Variants in MALAT1 observed in about 807,000 individuals in gnomAD.
MALAT1 encodes hepcarcin.
exon 3 of MALAT1, chr11:65,500,844 G>A (rs1288582456): frequency 1.9e-6 from 1 of 518,670 alleles, no homozygotes; most frequent in African/African-American, 1.9e-5. Context: ...CTAATATAAT[G>A]GGGGAGTTTC....
intron 3 of MALAT1, chr11:65,505,192 C>T (rs771040649): frequency 7.7e-6 from 4 of 518,618 alleles, no homozygotes; most frequent in Admixed American, 1.9e-5. Flanking sequence ...TTCAGGTACC[C>T]CTCACTAAAG....
chr11:65,504,596 G>A (rs183682264), intron 3 of MALAT1: 1 of 518,848 alleles, frequency 1.9e-6, no homozygotes, highest in Non-Finnish European at 3.8e-6. Context: ...GTATTTTTAG[G>A]TAAAATGCTT....
At chr11:65,498,702 T>G (rs1854461055) in exon 2 of MALAT1, 2 of 518,596 alleles carry the variant, frequency 3.9e-6, no homozygotes, top group South Asian at 2.8e-5. Flanking sequence ...ATACCTACTG[T>G]CCCTCAAGAG....
intron 2 of MALAT1, chr11:65,498,951 T>C: frequency 1.9e-6 from 1 of 518,932 alleles, no homozygotes; most frequent in Non-Finnish European, 3.8e-6. Context: ...AGAACTACTT[T>C]TTGCCTCCCT....
At chr11:65,502,843 A>C (rs2134987205) in exon 3 of MALAT1, 1 of 502,474 alleles carries the variant, frequency 2.0e-6, no homozygotes, top group East Asian at 5.5e-5. Flanking sequence ...AAGCAAATGA[A>C]AGCTACCAAT....
At chr11:65,500,336 G>A (rs1309697183) in exon 3 of MALAT1, 1 of 518,222 alleles carries the variant, frequency 1.9e-6, no homozygotes, top group Non-Finnish European at 3.9e-6. Context: ...TTTTTGCATT[G>A]GACTTTGAGT....
chr11:65,498,917 A>G (rs767951672), intron 2 of MALAT1: 1 of 518,686 alleles, frequency 1.9e-6, no homozygotes, highest in South Asian at 1.4e-5. Flanking sequence ...TAGAAAAGTA[A>G]AACTAGAACC....
exon 3 of MALAT1, chr11:65,500,515 T>G (rs1035817522): frequency 1.9e-6 from 1 of 518,562 alleles, no homozygotes; most frequent in Non-Finnish European, 3.9e-6. Flanking sequence ...CAGTTCGTGG[T>G]GAAGATAGGA....
chr11:65,498,423 G>T lies in MALAT1; in HGVS notation n.179-259G>T, dbSNP rs1288054004. 9.6e-6 allele frequency: 5 copies of T among 518,620 alleles called. No individual in the cohort carries two copies. In the Admixed American group the frequency reaches 9.7e-5, roughly 10 times the overall value. 32.1% of individuals were successfully genotyped at this position (518,620 alleles called of 1,614,324 possible). On this transcript the variant is annotated intron_variant and non_coding_transcript_variant, in intron 1 of 3. Coordinates refer to ENST00000619449, the Ensembl canonical transcript of MALAT1. The stretch of plus-strand genomic sequence containing the variant: ...GGGCTCAGGCGGGGAGCAGCTCTGT[G>T]GTGTGGGATTGAGGCGTTTTCCAAG...
At chr11:65,502,804 A>G (rs768714843) in exon 3 of MALAT1, 4 of 512,984 alleles carry the variant, frequency 7.8e-6, no homozygotes, top group South Asian at 1.4e-5. Flanking sequence ...TACTGATGAG[A>G]ACATTATCTG....
chr11:65,502,348 A>G (rs547154029), exon 3 of MALAT1: 59 of 514,414 alleles, frequency 1.1e-4, no homozygotes, highest in African/African-American at 1.1e-3. Flanking sequence ...AAGTGGCTTA[A>G]TGATCCTGAA....
exon 3 of MALAT1, chr11:65,500,949 TGAA>T (rs1479842844): frequency 2.0e-6 from 1 of 511,902 alleles, no homozygotes; most frequent in African/African-American, 2.0e-5. Context: ...GAATCTTGTC[TGAA>T]GCTTTTGAGG....
exon 3 of MALAT1, chr11:65,502,568 C>T (rs368580747): frequency 4.1e-6 from 2 of 483,504 alleles, no homozygotes; most frequent in Non-Finnish European, 4.0e-6. Flanking sequence ...TGTGATAGTT[C>T]AGCTTGAATG....
exon 3 of MALAT1, chr11:65,501,826 A>G: frequency 1.9e-6 from 1 of 517,764 alleles, no homozygotes; most frequent in Middle Eastern, 3.2e-4. Flanking sequence ...GTGACTTCTT[A>G]AAAGTTTTAT....
At chr11:65,501,896 G>A (rs757902234) in exon 3 of MALAT1, 1 of 517,258 alleles carries the variant, frequency 1.9e-6, no homozygotes, top group African/African-American at 1.9e-5. Flanking sequence ...GTTGGGATTG[G>A]TGGGGTGGGT....
chr11:65,498,069 C>A (rs748369719), intron 1 of MALAT1: 48 of 518,854 alleles, frequency 9.3e-5, no homozygotes, highest in Non-Finnish European at 1.7e-4. Flanking sequence ...TTCAGAAGGT[C>A]TGAAGCTCAT....
exon 3 of MALAT1, chr11:65,500,486 G>GGAGCAAGC (rs750573782): frequency 1.2e-5 from 6 of 518,864 alleles, no homozygotes; most frequent in Admixed American, 3.9e-5. Context: ...CTAGGACTGA[G>GGAGCAAGC]GAGCAAGCGA....
chr11:65,500,523 G>A (rs762402685), exon 3 of MALAT1: 3 of 518,758 alleles, frequency 5.8e-6, no homozygotes, highest in Non-Finnish European at 1.2e-5. Flanking sequence ...GGTGAAGATA[G>A]GAAAAGAGTC....
At chr11:65,499,167 T>C (rs1210318723) in exon 3 of MALAT1, 3 of 510,220 alleles carry the variant, frequency 5.9e-6, no homozygotes, top group African/African-American at 5.9e-5. Context: ...AAAAATATAG[T>C]CAATAGGTTA....
Sources: gnomAD v4.1 joint callset for allele counts on GRCh38, gnomAD v4.1.1 for gene constraint, MANE v1.5 for transcripts, NCBI Gene and HGNC (gene_info 2026-07-23, HGNC 2026-07-21) for gene names.